HEMK2: variants seen among roughly 807,000 people sequenced by gnomAD.
HEMK2 encodes the protein methyltransferase HEMK2.
the HEMK2 span, among the ~76,000 whole-genome samples, chr21:28,821,330 C>T: frequency 6.6e-6 from 1 of 152,118 alleles, no homozygotes; most frequent in African/African-American, 2.4e-5. Flanking sequence ...TGCCCCACTG[C>T]GGGATTCTTA....
the HEMK2 span, among the ~76,000 whole-genome samples, chr21:28,833,397 A>T: frequency 6.6e-6 from 1 of 152,218 alleles, no homozygotes; most frequent in Non-Finnish European, 1.5e-5. Context: ...GTGCCCTAAT[A>T]ATTTTACAGC....
chr21:28,665,341 T>A, the HEMK2 span, among the ~76,000 whole-genome samples: 21 of 96,480 alleles, frequency 2.2e-4, no homozygotes, highest in African/African-American at 9.5e-4. Flanking sequence ...TTTCTTTTTT[T>A]TTTTTTTTTT....
chr21:28,785,776 C>A, the HEMK2 span, among the ~76,000 whole-genome samples: 1 of 152,146 alleles, frequency 6.6e-6, no homozygotes, highest in East Asian at 1.9e-4. Context: ...ACCAGAAGAA[C>A]CACCCTCCTG....
chr21:28,711,091 T>C, the HEMK2 span, among the ~76,000 whole-genome samples: 1 of 152,162 alleles, frequency 6.6e-6, no homozygotes, highest in Non-Finnish European at 1.5e-5. Context: ...TATGTTCAAC[T>C]ATTAAAATAT....
the HEMK2 span, among the ~76,000 whole-genome samples, chr21:28,775,755 G>A: frequency 6.6e-6 from 1 of 152,168 alleles, no homozygotes; most frequent in South Asian, 2.1e-4. Flanking sequence ...GTGGAGTGAT[G>A]GGTACTGAAG....
chr21:28,687,258 A>C, the HEMK2 span, among the ~76,000 whole-genome samples: 23 of 152,358 alleles, frequency 1.5e-4, no homozygotes, highest in Non-Finnish European at 2.8e-4. Flanking sequence ...GAACCATGGC[A>C]ATGGCAAACA....
At chr21:28,730,989 C>T in the HEMK2 span, among the ~76,000 whole-genome samples, 2 of 151,788 alleles carry the variant, frequency 1.3e-5, no homozygotes, top group Admixed American at 1.3e-4. Context: ...GAAAAACTCA[C>T]GCTCCCTATA....
At chr21:28,740,374 T>C in the HEMK2 span, among the ~76,000 whole-genome samples, 1 of 152,346 alleles carries the variant, frequency 6.6e-6, no homozygotes, top group Non-Finnish European at 1.5e-5. Flanking sequence ...TCTTATTCCC[T>C]ATGAGAGCTG....
chr21:28,819,143 C>G, the HEMK2 span, among the ~76,000 whole-genome samples: 1 of 151,994 alleles, frequency 6.6e-6, no homozygotes, highest in Non-Finnish European at 1.5e-5. Context: ...CAAGGAAAAG[C>G]CAACAAATAA....
the HEMK2 span, among the ~76,000 whole-genome samples, chr21:28,842,553 T>C: frequency 1.3e-5 from 2 of 152,144 alleles, no homozygotes; most frequent in Admixed American, 6.6e-5. Flanking sequence ...ACCCAGACGA[T>C]ACCTGGAAAT....
the HEMK2 span, among the ~76,000 whole-genome samples, chr21:28,589,758 T>C: frequency 1.3e-5 from 2 of 152,192 alleles, no homozygotes; most frequent in African/African-American, 4.8e-5. Flanking sequence ...TTTTTAGATA[T>C]GTATGTATAG....
chr21:28,576,455 A>G, the HEMK2 span, among the ~76,000 whole-genome samples: 2 of 83,318 alleles, frequency 2.4e-5, no homozygotes, highest in South Asian at 7.4e-4. Flanking sequence ...TGAGATTTGG[A>G]ATTTTTAAAA....
At chr21:28,876,392 T>G in the HEMK2 span, 1 of 1,605,182 alleles carries the variant, frequency 6.2e-7, no homozygotes, top group Non-Finnish European at 8.5e-7. Flanking sequence ...ATGCTAAGAC[T>G]TGGTGAACTT....
chr21:28,791,801 G>A, the HEMK2 span, among the ~76,000 whole-genome samples: 5 of 152,204 alleles, frequency 3.3e-5, no homozygotes, highest in East Asian at 1.9e-4. Flanking sequence ...AATAGGGGAC[G>A]GGGAAAATGA....
At chr21:28,781,157 G>T in the HEMK2 span, among the ~76,000 whole-genome samples, 2 of 152,262 alleles carry the variant, frequency 1.3e-5, 1 homozygote, top group South Asian at 4.2e-4. Flanking sequence ...GGCCAGGACA[G>T]CAGATATGAA....
chr21:28,680,090 T>TA, the HEMK2 span, among the ~76,000 whole-genome samples: 4 of 152,010 alleles, frequency 2.6e-5, no homozygotes, highest in African/African-American at 4.8e-5. Context: ...AAAAACCCTT[T>TA]AAAAAATCAA....
the HEMK2 span, among the ~76,000 whole-genome samples, chr21:28,699,876 C>A: frequency 6.6e-6 from 1 of 152,214 alleles, no homozygotes; most frequent in Non-Finnish European, 1.5e-5. Flanking sequence ...AGAATCCTTA[C>A]TCAGATTAAT....
the HEMK2 span, among the ~76,000 whole-genome samples, chr21:28,788,128 G>A: frequency 7.2e-6 from 1 of 139,644 alleles, no homozygotes; most frequent in Admixed American, 7.3e-5. Flanking sequence ...ATGTATATAT[G>A]TGTATATATG....
the HEMK2 span, among the ~76,000 whole-genome samples, chr21:28,678,416 G>C: frequency 6.6e-6 from 1 of 152,184 alleles, no homozygotes; most frequent in East Asian, 1.9e-4. Flanking sequence ...ATCTACGTCT[G>C]ATTGGTGTAC....
Sources: allele counts gnomAD v4.1 joint callset (sites outside exome capture counted in the v4.1 genomes callset), GRCh38; gene constraint gnomAD v4.1.1; transcripts MANE v1.5; gene names NCBI Gene and HGNC (gene_info 2026-07-23, HGNC 2026-07-21).